Variants in LIFR observed in about 807,000 individuals in gnomAD.
LIFR encodes the protein leukemia inhibitory factor receptor.
A neutral mutation model predicts 122.2 loss-of-function variants in LIFR; 84 were observed. The ratio of observed to expected loss-of-function variants is 0.69; its 90% confidence interval spans 0.58 to 0.82. The LOEUF (loss-of-function observed/expected upper bound fraction) is 0.82, where lower values mean the gene tolerates loss of function less well. Among genes scored for constraint, LIFR ranks in the 40% least tolerant of loss-of-function variants. LIFR has a pLI of 0.00. For missense variants in LIFR, 1,294 were observed against 1,311.6 expected, an observed-to-expected ratio of 0.99 and a Z score of 0.21; for synonymous variants, 422 against 434.7, an observed-to-expected ratio of 0.97 and a Z score of 0.36.
At chr5:38,594,448 A>T (rs1750030991) in intron 1 of LIFR, among the ~76,000 whole-genome samples, 1 of 152,308 alleles carries the variant, frequency 6.6e-6, no homozygotes, top group East Asian at 1.9e-4. Context: ...TATACCATGA[A>T]CTTTGGTTCA....
At chr5:38,586,261 T>G (rs977118416) in intron 1 of LIFR, among the ~76,000 whole-genome samples, 4 of 152,230 alleles carry the variant, frequency 2.6e-5, no homozygotes, top group African/African-American at 9.6e-5. Context: ...ACTCACAGTT[T>G]CTTCCAGTGC....
intron 1 of LIFR, among the ~76,000 whole-genome samples, chr5:38,574,633 CTG>C (rs1406576082): frequency 3.9e-5 from 6 of 152,224 alleles, no homozygotes; most frequent in Non-Finnish European, 7.3e-5. Context: ...CACAGTCAAA[CTG>C]AGAGCAAGTT....
intron 14 of LIFR, 200 bp from the exon 15 acceptor site, chr5:38,490,491 A>G (rs891435422): frequency 6.3e-6 from 2 of 316,678 alleles, no homozygotes; most frequent in Non-Finnish European, 1.1e-5. Flanking sequence ...ATTTACTTCT[A>G]TTTTAACAAA....
At chr5:38,517,673 C>T (rs372871178) in intron 5 of LIFR, among the ~76,000 whole-genome samples, 10 of 151,396 alleles carry the variant, frequency 6.6e-5, no homozygotes, top group East Asian at 3.9e-4. Flanking sequence ...CTGGCTAACA[C>T]GGTGAAACCC....
chr5:38,485,010 T>C, intron 17 of LIFR, 142 bp from the exon 18 acceptor site: 1 of 653,288 alleles, frequency 1.5e-6, no homozygotes, highest in Non-Finnish European at 2.8e-6. Flanking sequence ...GAAAAACTAT[T>C]AAAATCAAAC....
chr5:38,493,212 GT>G (rs60517465), intron 14 of LIFR, among the ~76,000 whole-genome samples: 11 of 147,558 alleles, frequency 7.5e-5, no homozygotes, highest in South Asian at 2.1e-4. Flanking sequence ...CAGTTCCGTA[GT>G]TTTTTTTTTT....
chr5:38,550,270 ATAGCTGAGCTATTGATAAAGC>A (rs1176977406), intron 1 of LIFR: 1 of 957,630 alleles, frequency 1.0e-6, no homozygotes, highest in Non-Finnish European at 1.2e-6. Flanking sequence ...AATTTTTAAA[ATAGCTGAGCTATTGATAAAGC>A]ACAACTGAAA....
At chr5:38,544,426 G>C (rs958643907) in intron 1 of LIFR, among the ~76,000 whole-genome samples, 17 of 152,124 alleles carry the variant, frequency 1.1e-4, no homozygotes, top group African/African-American at 3.4e-4. Context: ...CATGCACCAA[G>C]CTTGATCCAC....
At chr5:38,501,528 C>A (rs1580050511) in intron 11 of LIFR, among the ~76,000 whole-genome samples, 1 of 152,076 alleles carries the variant, frequency 6.6e-6, no homozygotes, top group African/African-American at 2.4e-5. Context: ...CCAAGGCAGG[C>A]ACATCACAAG....
At chr5:38,605,365 G>A (rs1030416306) in intron 2 of LIFR, among the ~76,000 whole-genome samples, 17 of 152,226 alleles carry the variant, frequency 1.1e-4, no homozygotes, top group South Asian at 6.2e-4. Flanking sequence ...CTACTTGCTC[G>A]CTTTGTGATT....
At chr5:38,568,326 A>G (rs2112709417) in intron 1 of LIFR, among the ~76,000 whole-genome samples, 1 of 152,270 alleles carries the variant, frequency 6.6e-6, no homozygotes, top group Admixed American at 6.5e-5. Context: ...TTGAGCAGAG[A>G]GGGCTAAATG....
intron 12 of LIFR, among the ~76,000 whole-genome samples, chr5:38,496,797 T>C (rs1263743456): frequency 6.7e-6 from 1 of 149,728 alleles, no homozygotes; most frequent in Non-Finnish European, 1.5e-5. Context: ...GCCAACATGG[T>C]GAAACCCAGT....
intron 2 of LIFR, 118 bp from the exon 3 acceptor site, chr5:38,528,958 A>G: frequency 1.4e-6 from 1 of 704,948 alleles, no homozygotes; most frequent in East Asian, 2.7e-5. Context: ...AAGCACAAGC[A>G]TGTGTGTCTG....
intron 1 of LIFR, among the ~76,000 whole-genome samples, chr5:38,545,341 CATAAAT>C (rs1022639098): frequency 6.6e-6 from 1 of 150,922 alleles, no homozygotes; most frequent in Non-Finnish European, 1.5e-5. Context: ...GAGATGTAGA[CATAAAT>C]ATATGTGTGT....
At chr5:38,545,201 C>T (rs1289332288) in intron 1 of LIFR, among the ~76,000 whole-genome samples, 2 of 151,044 alleles carry the variant, frequency 1.3e-5, no homozygotes, top group Admixed American at 6.6e-5. Context: ...ACCCGGGAGG[C>T]GGAGCTTGCA....
intron 1 of LIFR, among the ~76,000 whole-genome samples, chr5:38,566,721 T>C (rs555704156): frequency 1.3e-5 from 2 of 152,320 alleles, no homozygotes; most frequent in South Asian, 4.1e-4. Context: ...TCCCTTTTCC[T>C]GGTAACAATA....
chr5:38,519,320 T>A (rs527867945), intron 5 of LIFR, among the ~76,000 whole-genome samples: 1 of 152,170 alleles, frequency 6.6e-6, no homozygotes, highest in South Asian at 2.1e-4. Flanking sequence ...GGTGTACCAT[T>A]TTTTATCTCT....
intron 11 of LIFR, 98 bp downstream of exon 11, chr5:38,502,539 G>A (rs1745236064): frequency 9.9e-7 from 1 of 1,011,578 alleles, no homozygotes; most frequent in East Asian, 2.5e-5. Flanking sequence ...GATTACAGGT[G>A]TGACCCACTG....
In LIFR at chr5:38,607,336, A is replaced by G. The variant is rs977193836; in HGVS notation, n.203+816T>C. Among the ~76,000 whole-genome samples the G allele has an allele frequency of 4.6e-5, 7 of 152,298 alleles. 1 individual carries two copies. In the South Asian group the frequency reaches 6.2e-4, roughly 14 times the overall value. ...CTAAGAAAGGTCCTTATCATATTCT[A>G]TGTGCATCAGATACCTCCTCAGATC... On this transcript the variant is annotated intron_variant and non_coding_transcript_variant, in intron 1 of 3. Transcript: ENST00000507786.
Sources: gnomAD v4.1 joint callset for allele counts (sites outside exome capture counted in the v4.1 genomes callset) on GRCh38, gnomAD v4.1.1 for gene constraint, MANE v1.5 for transcripts, NCBI Gene and HGNC (gene_info 2026-07-23, HGNC 2026-07-21) for gene names.